Variants in MDGA1 observed in about 807,000 individuals in gnomAD.
MDGA1 encodes MAM domain-containing glycosylphosphatidylinositol anchor protein 1.
A neutral mutation model predicts 101.5 loss-of-function variants in MDGA1; 54 were observed. That is an observed-to-expected ratio of 0.53 (90% CI 0.43 to 0.67). The LOEUF (loss-of-function observed/expected upper bound fraction) is 0.67, where lower values mean the gene tolerates loss of function less well. MDGA1 is among the 30% of genes least tolerant of loss of function. The probability of loss-of-function intolerance (pLI) is 0.00; values close to 1 mark genes in which losing one functional copy is unlikely to be tolerated. For synonymous variants in MDGA1, 533 were observed against 558.3 expected, an observed-to-expected ratio of 0.95 and a Z score of 0.64; for missense variants, 1,083 against 1,323.8, an observed-to-expected ratio of 0.82 and a Z score of 2.82.
At chr6:37,668,061 G>A (rs1303496484) in intron 1 of MDGA1, among the ~76,000 whole-genome samples, 1 of 151,882 alleles carries the variant, frequency 6.6e-6, no homozygotes, top group Admixed American at 6.6e-5. Context: ...GACCAGCCTG[G>A]GCAACATAGT....
Position 37,633,390 on chromosome 6 carries a change from C to T in MDGA1, c.*3978G>A, listed in dbSNP as rs1458437953. The T allele has an allele frequency of 6.6e-6, 1 of 152,284 alleles. No homozygotes were observed. The highest frequency in any genetic ancestry group is 2.4e-5 in the African/African-American group (1 of 41,450). The allele number at this position is 152,284 out of a possible 1,614,324, so 9.4% of individuals were successfully genotyped here. On this transcript the variant is annotated 3_prime_UTR_variant, in exon 17 of 17. Transcript: ENST00000434837. ...AAGACCCTGGGAATACTCCCCAGCC[C>T]CTCAAGCTGCCCAGCGAGAAAAAAC...
rs1276613084 is a variant in MDGA1 at position 37,654,547 on chromosome 6, A to C, written c.713-4T>G. The C allele has an allele frequency of 5.0e-6, 8 of 1,613,900 alleles. No homozygotes were observed. The Admixed American group carries it at 5.0e-5, about 10-fold the overall frequency. Reference sequence around the variant, plus strand: ...GACAGCTTCAGGGCTGGTGGTGCTAAGAGGACAAGGAGGGGGGTCTTAGGG... The same window carrying C: ...GACAGCTTCAGGGCTGGTGGTGCTACGAGGACAAGGAGGGGGGTCTTAGGG... On this transcript the variant is annotated splice_polypyrimidine_tract_variant and splice_region_variant and intron_variant, in intron 5 of 16. Coordinates refer to ENST00000434837, the MANE Select transcript of MDGA1 (RefSeq NM_153487.4).
chr6:37,664,600 T>TACACACACACACACACACAC (rs61046567), intron 1 of MDGA1, among the ~76,000 whole-genome samples: 2,183 of 118,138 alleles, frequency 0.018, 78 homozygotes, highest in Middle Eastern at 0.029. Context: ...TCCCCCACAA[T>TACACACACACACACACACAC]ACACACACAC....
chr6:37,687,933 G>A (rs1214605341), intron 1 of MDGA1, among the ~76,000 whole-genome samples: 2 of 151,816 alleles, frequency 1.3e-5, no homozygotes, highest in Non-Finnish European at 2.9e-5. Flanking sequence ...AACCAAGGGA[G>A]GTCCCTTGGT....
At chr6:37,661,715 G>A (rs1761627747) in intron 2 of MDGA1, among the ~76,000 whole-genome samples, 1 of 152,150 alleles carries the variant, frequency 6.6e-6, no homozygotes. Context: ...GGCAGGTGGA[G>A]GCCAGATTGT....
At chr6:37,660,691 A>G (rs989621373) in intron 2 of MDGA1, among the ~76,000 whole-genome samples, 10 of 152,096 alleles carry the variant, frequency 6.6e-5, no homozygotes, top group African/African-American at 2.4e-4. Context: ...TAAATTTTGA[A>G]GATCCTTTCA....
intron 6 of MDGA1, among the ~76,000 whole-genome samples, chr6:37,653,483 T>G (rs1761414446): frequency 6.6e-6 from 1 of 152,102 alleles, no homozygotes; most frequent in Non-Finnish European, 1.5e-5. Flanking sequence ...TATGTTCAAG[T>G]GCTAAAGAGC....
chr6:37,689,125 C>T (rs2114107249), intron 1 of MDGA1, among the ~76,000 whole-genome samples: 1 of 152,294 alleles, frequency 6.6e-6, no homozygotes, highest in Admixed American at 6.5e-5. Flanking sequence ...CCTCCTCCTC[C>T]TCTCACAGAC....
In MDGA1 at chr6:37,655,627, C is replaced by A; in HGVS notation, c.579+73G>T. The A allele has an allele frequency of 8.1e-7, 1 of 1,240,764 alleles. No individual in the cohort carries two copies. Among genetic ancestry groups the A allele is most frequent in the South Asian group, 1.5e-5 (1 of 64,656 alleles). The allele number at this position is 1,240,764 out of a possible 1,614,324, so 76.9% of individuals were successfully genotyped here. On this transcript the variant is annotated intron_variant, in intron 4 of 16. Coordinates refer to ENST00000434837, the MANE Select transcript of MDGA1 (RefSeq NM_153487.4). This position sits in a 1 kb window ranked among gnomAD's most constrained non-coding sequence, Gnocchi z 5.1. ...GTTGAAGTCAAGGCAGTCCCAAAAA[C>A]TCAGCCCCATGCCCCCCTCCCCTGT...
At chr6:37,677,381 C>T (rs1409143351) in intron 1 of MDGA1, among the ~76,000 whole-genome samples, 10 of 152,142 alleles carry the variant, frequency 6.6e-5, no homozygotes, top group Admixed American at 6.5e-4. Flanking sequence ...AAAAGTAATT[C>T]ACATAAGGAT....
In MDGA1 at chr6:37,696,676, G is replaced by T. The variant is rs554567903; in HGVS notation, c.67+69C>A. ...GGTCTCCACCAAACCCCGGCAGCGCGCACTTTGCGCCTCTTGCAAAGTTTC... is the reference window on the plus strand; with the variant it reads ...GGTCTCCACCAAACCCCGGCAGCGCTCACTTTGCGCCTCTTGCAAAGTTTC... On this transcript the variant is annotated intron_variant, in intron 1 of 16. Transcript: ENST00000434837. The surrounding 1 kb of genome is among the most constrained non-coding windows in gnomAD (Gnocchi z 5.6). 18 of 1,434,896 alleles carry T rather than the reference G, an allele frequency of 1.3e-5. No homozygotes were observed. Among genetic ancestry groups the T allele is most frequent in the Non-Finnish European group, 1.7e-5 (18 of 1,040,780 alleles). 88.9% of individuals were successfully genotyped at this position (1,434,896 alleles called of 1,614,324 possible).
intron 1 of MDGA1, among the ~76,000 whole-genome samples, chr6:37,676,765 CTT>C (rs1761987733): frequency 1.3e-5 from 2 of 152,154 alleles, no homozygotes; most frequent in Non-Finnish European, 2.9e-5. Context: ...GGGGTGGTGG[CTT>C]GTGCCTGTAA....
At chr6:37,637,895 A>G (rs770990516) in intron 16 of MDGA1, 7 of 528,084 alleles carry the variant, frequency 1.3e-5, no homozygotes, top group Non-Finnish European at 2.0e-5. Context: ...CCTGGAAGGC[A>G]CACGTTCACC....
intron 1 of MDGA1, among the ~76,000 whole-genome samples, chr6:37,690,790 T>G (rs1242115410): frequency 9.5e-6 from 1 of 105,752 alleles, no homozygotes; most frequent in Non-Finnish European, 2.0e-5. Context: ...AAAAAAAAAA[T>G]CCTTTACTGT....
At chr6:37,653,828 T>G (rs1432279444) in intron 6 of MDGA1, among the ~76,000 whole-genome samples, 2 of 152,178 alleles carry the variant, frequency 1.3e-5, no homozygotes, top group Non-Finnish European at 2.9e-5. Context: ...TAATAAATAT[T>G]TCCATATAGG....
intron 1 of MDGA1, among the ~76,000 whole-genome samples, chr6:37,695,591 G>T (rs1180679700): frequency 6.6e-6 from 1 of 152,170 alleles, no homozygotes; most frequent in African/African-American, 2.4e-5. Flanking sequence ...CAGGCAGATG[G>T]GTCAGCACCC....
chr6:37,642,076 T>C (rs995584103), intron 14 of MDGA1, among the ~76,000 whole-genome samples: 2 of 151,776 alleles, frequency 1.3e-5, no homozygotes, highest in Non-Finnish European at 2.9e-5. Context: ...ACCAAGATGA[T>C]GTACAATTCA....
Position 37,635,361 on chromosome 6 carries a change from C to T in MDGA1, c.*2007G>A, listed in dbSNP as rs890945899. The T allele has an allele frequency of 2.5e-6, 1 of 397,774 alleles. No homozygotes were observed. Among genetic ancestry groups the T allele is most frequent in the Non-Finnish European group, 4.4e-6 (1 of 226,110 alleles). 24.6% of individuals were successfully genotyped at this position (397,774 alleles called of 1,614,324 possible). A position where few individuals can be genotyped will look rare whatever the true frequency, so the allele number is the denominator to read the frequency against. On this transcript the variant is annotated 3_prime_UTR_variant, in exon 17 of 17. Coordinates refer to ENST00000434837, the MANE Select transcript of MDGA1 (RefSeq NM_153487.4). ...ACTTGGAAGGCTCAGAGGAGGAGCT[C>T]ACAGTCTAGTTGGGGCAATGGACTC...
intron 2 of MDGA1, among the ~76,000 whole-genome samples, chr6:37,660,770 T>C (rs866624766): frequency 3.9e-5 from 6 of 152,230 alleles, no homozygotes; most frequent in African/African-American, 1.4e-4. Context: ...GACTGACTCT[T>C]CTGGCACTGT....
Sources: allele counts gnomAD v4.1 joint callset (sites outside exome capture counted in the v4.1 genomes callset), GRCh38; gene constraint gnomAD v4.1.1; non-coding constraint Gnocchi (gnomAD v3.1); transcripts MANE v1.5; gene names NCBI Gene and HGNC (gene_info 2026-07-23, HGNC 2026-07-21).